FARP1: variants seen among roughly 807,000 people sequenced by gnomAD.
FARP1 encodes FERM, ARHGEF and pleckstrin domain-containing protein 1.
FARP1 carries 52 observed loss-of-function variants against 128.8 expected under a neutral mutation model. The ratio of observed to expected loss-of-function variants is 0.40; its 90% CI spans 0.32 to 0.51. FARP1 has a LOEUF of 0.51. Among genes scored for constraint, FARP1 ranks in the 20% least tolerant of loss-of-function variants. The pLI is 0.45. For missense variants in FARP1, 1,333 were observed against 1,367.9 expected (o/e 0.97, Z 0.40); for synonymous variants, 580 against 551.8 (o/e 1.05, Z -0.72).
At chr13:98,349,804 C>T (rs1174373718) in intron 3 of FARP1, among the ~76,000 whole-genome samples, 1 of 151,406 alleles carries the variant, frequency 6.6e-6, no homozygotes, top group Non-Finnish European at 1.5e-5. Context: ...CATTTTCTGT[C>T]CTCCATGCTA....
chr13:98,407,718 C>T (rs1022891721), intron 13 of FARP1, among the ~76,000 whole-genome samples: 3 of 152,196 alleles, frequency 2.0e-5, no homozygotes, highest in African/African-American at 4.8e-5. Flanking sequence ...GTGGGCAGGA[C>T]GTCTGCCTTT....
At chr13:98,207,864 A>T (rs1200848820) in intron 1 of FARP1, among the ~76,000 whole-genome samples, 1 of 149,842 alleles carries the variant, frequency 6.7e-6, no homozygotes, top group African/African-American at 2.5e-5. Flanking sequence ...TATTTTGGAC[A>T]CAACTGACTT....
At chr13:98,315,585 G>T (rs1483449978) in intron 2 of FARP1, among the ~76,000 whole-genome samples, 3 of 152,222 alleles carry the variant, frequency 2.0e-5, no homozygotes, top group African/African-American at 7.2e-5. Context: ...AGTGCCATGT[G>T]CAGTAGGAAA....
At chr13:98,171,018 T>C (rs1238516036) in intron 1 of FARP1, among the ~76,000 whole-genome samples, 1 of 152,180 alleles carries the variant, frequency 6.6e-6, no homozygotes, top group Non-Finnish European at 1.5e-5. Context: ...AATATCAGTA[T>C]ATGTGCTCAT....
chr13:98,364,047 C>T (rs767022768), intron 3 of FARP1, among the ~76,000 whole-genome samples: 3 of 152,148 alleles, frequency 2.0e-5, no homozygotes, highest in South Asian at 2.1e-4. Context: ...GCCTGTCTTT[C>T]GATTTTTAAT....
chr13:98,221,384 C>A (rs1335101671), intron 2 of FARP1, among the ~76,000 whole-genome samples: 3 of 152,166 alleles, frequency 2.0e-5, no homozygotes, highest in Non-Finnish European at 4.4e-5. Flanking sequence ...TGGAGTCATT[C>A]CTCTTAGACC....
rs147648057 is a variant in FARP1 at position 98,439,130 on chromosome 13, G to T, written c.2367G>T (p.Thr789=). 1,016 of 1,613,898 alleles carry T rather than the reference G, an allele frequency of 6.3e-4. 1 individual carries two copies. The highest frequency in any genetic ancestry group is 8.1e-4 in the Non-Finnish European group (960 of 1,179,880). Residue 789 remains threonine (T), a synonymous_variant, in exon 21 of 27, where the codon ACG becomes ACT. Coordinates refer to ENST00000319562, the MANE Select transcript of FARP1 (RefSeq NM_005766.4). ...FFLFNDVLLY[T]SRGLTASNQF... ...AGTTCAACGACGTCCTGCTATACAC[G>T]AGCCGGGGGCTGACGGCCTCCAATC...
At chr13:98,183,589 A>G (rs1878670974) in intron 1 of FARP1, among the ~76,000 whole-genome samples, 1 of 152,146 alleles carries the variant, frequency 6.6e-6, no homozygotes, top group African/African-American at 2.4e-5. Context: ...CGGGCACTGC[A>G]TTTTTGTTAT....
chr13:98,308,526 C>T (rs368198886), intron 2 of FARP1, among the ~76,000 whole-genome samples: 2 of 152,178 alleles, frequency 1.3e-5, no homozygotes, highest in Admixed American at 6.5e-5. Context: ...ATGCACTGGA[C>T]GGCACCTGAG....
intron 1 of FARP1, among the ~76,000 whole-genome samples, chr13:98,175,085 C>T (rs1022511828): frequency 1.3e-5 from 2 of 152,172 alleles, no homozygotes; most frequent in African/African-American, 2.4e-5. Context: ...GTTTGACTGA[C>T]TTTTCACTAA....
intron 1 of FARP1, chr13:98,177,286 G>A (rs752262474): frequency 4.1e-6 from 6 of 1,448,438 alleles, no homozygotes; most frequent in Non-Finnish European, 5.5e-6. Context: ...CCCTTGCGTC[G>A]CCCTTGCGTC....
intron 2 of FARP1, among the ~76,000 whole-genome samples, chr13:98,259,293 A>G (rs187108491): frequency 6.7e-6 from 1 of 149,532 alleles, no homozygotes; most frequent in African/African-American, 2.6e-5. Flanking sequence ...GTATATATAT[A>G]ATACTCTCTA....
chr13:98,390,664 G>A, intron 10 of FARP1, 148 bp from the exon 11 acceptor site: 1 of 608,718 alleles, frequency 1.6e-6, no homozygotes, highest in South Asian at 2.2e-5. Context: ...GAGTCTGTCA[G>A]GATTGCTTTT....
chr13:98,194,446 T>C (rs1174355539), intron 1 of FARP1, among the ~76,000 whole-genome samples: 4 of 152,240 alleles, frequency 2.6e-5, no homozygotes, highest in Admixed American at 6.5e-5. Context: ...TTTCATAGAA[T>C]ACATTTCACA....
intron 2 of FARP1, among the ~76,000 whole-genome samples, chr13:98,274,253 T>TAC (rs78102254): frequency 0.3 from 45,190 of 151,914 alleles, 7,064 homozygotes; most frequent in South Asian, 0.46. Context: ...CCCCAGGTTA[T>TAC]ACAGAGAGAT....
At chr13:98,337,035 T>C (rs1887773664) in intron 2 of FARP1, among the ~76,000 whole-genome samples, 1 of 152,118 alleles carries the variant, frequency 6.6e-6, no homozygotes, top group South Asian at 2.1e-4. Context: ...TAGAGAGATC[T>C]ACCCCCAGCC....
At chr13:98,427,729 C>T (rs1363662334) in intron 17 of FARP1, among the ~76,000 whole-genome samples, 1 of 152,214 alleles carries the variant, frequency 6.6e-6, no homozygotes, top group Non-Finnish European at 1.5e-5. Context: ...GTTCTTTCTC[C>T]TCGGTCTGGG....
rs573135170 is a variant in FARP1 at position 98,237,025 on chromosome 13, C to T, written c.171+23612C>T. Among the ~76,000 whole-genome samples the T allele has an allele frequency of 1.2e-4, 18 of 151,286 alleles. No homozygotes were observed. In the East Asian group the frequency reaches 1.4e-3, roughly 12 times the overall value. ...AAAAAGAAAACGTTAAAATTTAGGC[C>T]GGGCGCGTGTGGCTCATGTCTGTAA... On this transcript the variant is annotated intron_variant, in intron 2 of 26. Transcript: ENST00000319562.
intron 6 of FARP1, among the ~76,000 whole-genome samples, chr13:98,378,984 TAATATATATATAATATATACAATATATAA>T (rs1889732225): frequency 7.2e-5 from 7 of 96,838 alleles, no homozygotes; most frequent in Non-Finnish European, 1.8e-5. Flanking sequence ...AATCTATATA[TAATATATATATAATATATACAATATATAA>T]TCTATATATA....
Sources: allele counts gnomAD v4.1 joint callset (sites outside exome capture counted in the v4.1 genomes callset), GRCh38; gene constraint gnomAD v4.1.1; transcripts MANE v1.5; gene names NCBI Gene and HGNC (gene_info 2026-07-23, HGNC 2026-07-21).